Variants in SPATA6 observed in about 807,000 individuals in gnomAD.
SPATA6 encodes spermatogenesis associated 6, also known as spermatogenesis-associated protein 6.
A neutral mutation model predicts 65.3 loss-of-function variants in SPATA6; 56 were observed. The observed-to-expected ratio is 0.86, with a 90% CI of 0.69 to 1.07. The LOEUF is 1.07. Ranked by LOEUF, SPATA6 falls within the 50% of genes least tolerant of loss-of-function variation. The pLI, the probability that SPATA6 is intolerant of heterozygous loss-of-function variation, is 0.00. For missense variants in SPATA6, 590 were observed against 594.8 expected (o/e 0.99, Z 0.08); for synonymous variants, 199 against 213.2 (o/e 0.93, Z 0.58).
intron 7 of SPATA6, among the ~76,000 whole-genome samples, chr1:48,398,763 C>T (rs1650848582): frequency 6.6e-6 from 1 of 151,668 alleles, no homozygotes; most frequent in Non-Finnish European, 1.5e-5. Context: ...ATCATATAAA[C>T]ACAAGACTCT....
chr1:48,301,626 T>C (rs1447031530), intron 12 of SPATA6, among the ~76,000 whole-genome samples: 2 of 150,488 alleles, frequency 1.3e-5, no homozygotes, highest in African/African-American at 4.9e-5. Flanking sequence ...TGACTTGAAA[T>C]TAAACTGTGA....
intron 11 of SPATA6, chr1:48,325,255 T>C: frequency 1.2e-6 from 1 of 821,852 alleles, no homozygotes; most frequent in African/African-American, 1.7e-5. Flanking sequence ...GGTTTGGATA[T>C]GGCATAAACA....
chr1:48,435,724 G>A (rs144268779), intron 3 of SPATA6, among the ~76,000 whole-genome samples: 5,680 of 151,960 alleles, frequency 0.037, 118 homozygotes, highest in Middle Eastern at 0.055. Context: ...CCACGGCCCC[G>A]GTCGCGGCCT....
intron 11 of SPATA6, among the ~76,000 whole-genome samples, chr1:48,313,666 A>C (rs1239452393): frequency 6.6e-6 from 1 of 152,080 alleles, no homozygotes; most frequent in Non-Finnish European, 1.5e-5. Context: ...ATAACATCAT[A>C]ATGACAGGAT....
At chr1:48,365,769 A>T (rs1646984702) in intron 9 of SPATA6, among the ~76,000 whole-genome samples, 1 of 152,090 alleles carries the variant, frequency 6.6e-6, no homozygotes, top group South Asian at 2.1e-4. Context: ...TCTTTCCCTA[A>T]CTGAATACCC....
chr1:48,362,373 T>A (rs940021309), intron 9 of SPATA6, among the ~76,000 whole-genome samples: 1 of 152,190 alleles, frequency 6.6e-6, no homozygotes, highest in East Asian at 1.9e-4. Context: ...TTTTATCAAT[T>A]TCAATGTCAA....
intron 11 of SPATA6, among the ~76,000 whole-genome samples, chr1:48,353,651 C>T (rs777078681): frequency 2.6e-5 from 4 of 151,808 alleles, no homozygotes; most frequent in Admixed American, 6.6e-5. Context: ...CCAATGACAT[C>T]GCTTCAAAAT....
chr1:48,373,975 T>G (rs1647596997), intron 9 of SPATA6, among the ~76,000 whole-genome samples: 1 of 152,178 alleles, frequency 6.6e-6, no homozygotes, highest in Non-Finnish European at 1.5e-5. Context: ...TCTCTTATGC[T>G]TTGCTCTGGA....
intron 7 of SPATA6, among the ~76,000 whole-genome samples, chr1:48,397,908 A>G (rs1043746451): frequency 6.6e-6 from 1 of 151,644 alleles, no homozygotes; most frequent in Non-Finnish European, 1.5e-5. Context: ...AATAAAACAA[A>G]CATTTAAAGA....
intron 12 of SPATA6, among the ~76,000 whole-genome samples, chr1:48,304,642 C>A (rs1645017164): frequency 6.6e-6 from 1 of 152,154 alleles, no homozygotes; most frequent in Admixed American, 6.6e-5. Flanking sequence ...TTGCACCTGG[C>A]CCCATGATAT....
the SPATA6 span, among the ~76,000 whole-genome samples, chr1:48,285,270 C>T: frequency 5.5e-3 from 837 of 152,178 alleles, 10 homozygotes; most frequent in African/African-American, 0.019. Flanking sequence ...ATGGCGGACA[C>T]CCCTCCCACC....
chr1:48,407,759 C>T (rs1651843691), intron 5 of SPATA6, among the ~76,000 whole-genome samples: 1 of 152,188 alleles, frequency 6.6e-6, no homozygotes. Context: ...CTCTCAATCT[C>T]TTCAAACTGC....
chr1:48,401,806 G>A (rs895513351), intron 6 of SPATA6, among the ~76,000 whole-genome samples: 5 of 152,136 alleles, frequency 3.3e-5, no homozygotes, highest in Non-Finnish European at 7.4e-5. Context: ...ACAGAACTGT[G>A]AGAAACACTT....
intron 7 of SPATA6, among the ~76,000 whole-genome samples, chr1:48,398,144 A>G (rs1650778459): frequency 6.6e-6 from 1 of 151,696 alleles, no homozygotes; most frequent in Non-Finnish European, 1.5e-5. Context: ...TATTGGTCAA[A>G]CAACAACAAA....
chr1:48,470,504 T>A (rs1426352807), intron 1 of SPATA6, among the ~76,000 whole-genome samples: 2 of 152,154 alleles, frequency 1.3e-5, no homozygotes, highest in Non-Finnish European at 2.9e-5. Context: ...AAGCTAGGGC[T>A]ATGGAGTTTC....
chr1:48,277,493 G>A, the SPATA6 span, among the ~76,000 whole-genome samples: 2 of 152,202 alleles, frequency 1.3e-5, no homozygotes, highest in Admixed American at 6.5e-5. Flanking sequence ...GCGCTTTTCC[G>A]ACGGGCTTAA....
intron 7 of SPATA6, chr1:48,398,963 T>G (rs1301801342): frequency 6.4e-6 from 1 of 156,550 alleles, no homozygotes; most frequent in Admixed American, 6.5e-5. Flanking sequence ...TTAATTTTTA[T>G]AATTTAAAAA....
chr1:48,431,158 A>C (rs1654366213), intron 3 of SPATA6, among the ~76,000 whole-genome samples: 1 of 152,278 alleles, frequency 6.6e-6, no homozygotes, highest in Non-Finnish European at 1.5e-5. Context: ...AAATCAAAAA[A>C]GATTACAAGC....
At chr1:48,343,283 T>G (rs1050077580) in intron 11 of SPATA6, among the ~76,000 whole-genome samples, 6 of 152,006 alleles carry the variant, frequency 3.9e-5, no homozygotes, top group African/African-American at 1.4e-4. Context: ...CAATAGTAAC[T>G]GAAATACAAC....
Sources: allele counts gnomAD v4.1 joint callset (sites outside exome capture counted in the v4.1 genomes callset), GRCh38; gene constraint gnomAD v4.1.1; transcripts MANE v1.5; gene names NCBI Gene and HGNC (gene_info 2026-07-23, HGNC 2026-07-21).